Variants in TNKS2 observed in about 807,000 individuals in gnomAD.
TNKS2 encodes the protein poly [ADP-ribose] polymerase tankyrase-2.
A neutral mutation model predicts 137.6 loss-of-function variants in TNKS2; 72 were observed. The ratio of observed to expected loss-of-function variants is 0.52; its 90% CI spans 0.43 to 0.64. The LOEUF (loss-of-function observed/expected upper bound fraction) is 0.64. Ranked by LOEUF, TNKS2 falls within the 30% of genes least tolerant of loss-of-function variation. The pLI is 0.00. For missense variants in TNKS2, 1,049 were observed against 1,410.2 expected, an observed-to-expected ratio of 0.74 and a Z score of 4.10; for synonymous variants, 516 against 512.1, an observed-to-expected ratio of 1.01 and a Z score of -0.10.
chr10:91,818,081 A>G (rs1844769462), intron 3 of TNKS2, among the ~76,000 whole-genome samples: 1 of 152,240 alleles, frequency 6.6e-6, no homozygotes, highest in Non-Finnish European at 1.5e-5. Flanking sequence ...AGAAGTGTGC[A>G]CTGTTATTGT....
chr10:91,801,225 A>C (rs1321490844), intron 1 of TNKS2, among the ~76,000 whole-genome samples: 1 of 152,220 alleles, frequency 6.6e-6, no homozygotes, highest in Non-Finnish European at 1.5e-5. Flanking sequence ...AAGTTAGTTC[A>C]ATTAAAAGAA....
chr10:91,856,010 A>AT (rs1238502716), intron 23 of TNKS2, among the ~76,000 whole-genome samples: 1 of 151,932 alleles, frequency 6.6e-6, no homozygotes, highest in African/African-American at 2.4e-5. Context: ...ACAAAGCTGA[A>AT]TTTTTTTTGT....
At chr10:91,813,841 G>A (rs1844586405) in intron 2 of TNKS2, among the ~76,000 whole-genome samples, 1 of 152,120 alleles carries the variant, frequency 6.6e-6, no homozygotes, top group Non-Finnish European at 1.5e-5. Flanking sequence ...CTTTGTAGCA[G>A]TCCTAACTTC....
chr10:91,819,257 T>TC lies in TNKS2; in HGVS notation c.521-13_521-12insC. The TC allele has an allele frequency of 7.1e-7, 1 of 1,414,916 alleles. No homozygotes were observed. The highest frequency in any genetic ancestry group is 2.6e-5 in the East Asian group (1 of 37,968). The allele number at this position is 1,414,916 out of a possible 1,614,324, so 87.6% of individuals were successfully genotyped here. A position where few individuals can be genotyped will look rare whatever the true frequency, so the allele number is the denominator to read the frequency against. On this transcript the variant is annotated splice_polypyrimidine_tract_variant and intron_variant, in intron 3 of 26. Coordinates refer to ENST00000371627, the MANE Select transcript of TNKS2 (RefSeq NM_025235.4). ...TTTTAATTTCTATACTTTTTTTTTTTTCTAATTCACAGGTGAATATAAGAA... is the reference window on the plus strand; with the variant it reads ...TTTTAATTTCTATACTTTTTTTTTTTCTCTAATTCACAGGTGAATATAAGAA...
chr10:91,814,051 C>A (rs1352208360), intron 2 of TNKS2, among the ~76,000 whole-genome samples: 1 of 151,984 alleles, frequency 6.6e-6, no homozygotes, highest in Non-Finnish European at 1.5e-5. Flanking sequence ...AAAAAGTTAA[C>A]TGTAAAACAG....
intron 1 of TNKS2, among the ~76,000 whole-genome samples, chr10:91,803,628 T>A (rs1377348995): frequency 6.6e-6 from 1 of 152,178 alleles, no homozygotes; most frequent in African/African-American, 2.4e-5. Context: ...AGGGAAACCT[T>A]GTAACACAAA....
intron 6 of TNKS2, among the ~76,000 whole-genome samples, chr10:91,821,053 T>A (rs947801284): frequency 1.3e-5 from 2 of 152,176 alleles, no homozygotes; most frequent in Non-Finnish European, 2.9e-5. Context: ...ATTTTATTTT[T>A]TTTAGACGGA....
rs1844350762 is a variant in TNKS2, at chr10:91,807,226, G to T, written c.200-5757G>T. The T allele has an allele frequency of 6.8e-6, 11 of 1,606,336 alleles. No homozygotes were observed. The Admixed American group carries it at 1.3e-4, about 19-fold the overall frequency. The stretch of plus-strand genomic sequence containing the variant: ...TTGCGGGCTTCCTTGGCTACCATAA[G>T]TCGCATTAGTTGACTGTGGAATTTC... On this transcript the variant is annotated intron_variant, in intron 1 of 26. Coordinates refer to ENST00000371627, the MANE Select transcript of TNKS2 (RefSeq NM_025235.4).
Position 91,828,367 on chromosome 10 carries a change from G to A in TNKS2, c.1065G>A (p.Met355Ile). ...TRIKKHLSLEMVNFKHPQTHE... is the reference protein window; with the variant it reads ...TRIKKHLSLEIVNFKHPQTHE... ...TCAAAAAACATCTCTCTCTGGAAAT[G>A]GTGAATTTCAAGCATCCTCAAACAC... The change falls in exon 9 of 27, where the codon ATG (methionine) becomes ATA (isoleucine). Residue 355 changes from methionine to isoleucine, a missense_variant. Physicochemically the swap from Met to Ile is conservative, Grantham distance 10. Transcript: ENST00000371627. The A allele has an allele frequency of 1.2e-6, 2 of 1,608,124 alleles. No individual in the cohort carries two copies. The highest frequency in any genetic ancestry group is 1.7e-6 in the Non-Finnish European group (2 of 1,177,804).
intron 7 of TNKS2, among the ~76,000 whole-genome samples, chr10:91,825,050 CTG>C (rs1445860875): frequency 6.6e-6 from 1 of 152,014 alleles, no homozygotes; most frequent in Admixed American, 6.6e-5. Context: ...ACACTGGAAT[CTG>C]TGATTTTAGG....
intron 1 of TNKS2, among the ~76,000 whole-genome samples, chr10:91,801,616 G>C (rs1844172959): frequency 6.6e-6 from 1 of 152,056 alleles, no homozygotes; most frequent in South Asian, 2.1e-4. Context: ...TGGGATTACA[G>C]GTGCGCACTG....
At chr10:91,862,219 A>G (rs897308741) in intron 26 of TNKS2, 64 bp downstream of exon 26, 2 of 1,309,424 alleles carry the variant, frequency 1.5e-6, no homozygotes, top group Non-Finnish European at 2.0e-6. Context: ...CTTTTTATTA[A>G]TCTCTTGAAT....
chr10:91,837,654 G>A (rs1842070890), intron 13 of TNKS2, among the ~76,000 whole-genome samples: 1 of 152,178 alleles, frequency 6.6e-6, no homozygotes, highest in Admixed American at 6.5e-5. Flanking sequence ...GAGGTTAGGA[G>A]TTTCAGACCA....
Position 91,849,570 on chromosome 10 carries a change from A to G in TNKS2, c.2670A>G (p.Leu890=), listed in dbSNP as rs1842483193. The G allele has an allele frequency of 6.2e-7, 1 of 1,611,848 alleles. No individual in the cohort carries two copies. The highest frequency in any genetic ancestry group is 1.3e-5 in the African/African-American group (1 of 74,836). ...TAAGGAATCTTGGACTTGAGCACCTAATGGATATATTTGAGAGAGAACAGG... is the reference window on the plus strand; with the variant it reads ...TAAGGAATCTTGGACTTGAGCACCTGATGGATATATTTGAGAGAGAACAGG... The part of the protein sequence containing the change: ...QFVRNLGLEH[L]MDIFEREQIT... Residue 890 remains leucine, a synonymous_variant, in exon 20 of 27, where the codon CTA becomes CTG. Coordinates refer to ENST00000371627, the MANE Select transcript of TNKS2 (RefSeq NM_025235.4).
At chr10:91,814,650 TA>T (rs1844619251) in intron 2 of TNKS2, among the ~76,000 whole-genome samples, 1 of 152,166 alleles carries the variant, frequency 6.6e-6, no homozygotes, top group African/African-American at 2.4e-5. Context: ...TATTTAGACA[TA>T]CTTAGTTACA....
At position 91,845,092 on chromosome 10, in the gene TNKS2, C is replaced by A. The variant is rs372242928; in HGVS notation, c.2169+64C>A. The A allele has an allele frequency of 1.3e-5, 13 of 1,012,310 alleles. No individual in the cohort carries two copies. The East Asian group carries it at 2.8e-4, about 22-fold the overall frequency. 62.7% of individuals were successfully genotyped at this position (1,012,310 alleles called of 1,614,324 possible). A position where few individuals can be genotyped will look rare whatever the true frequency, so the allele number is the denominator to read the frequency against. ...TTTAAAGTGAAAGTCAGTATTGCAGCTCAAATGGAATGTAGTTTGATGTTC... is the reference window on the plus strand; with the variant it reads ...TTTAAAGTGAAAGTCAGTATTGCAGATCAAATGGAATGTAGTTTGATGTTC... On this transcript the variant is annotated intron_variant, in intron 17 of 26. Coordinates refer to ENST00000371627, the MANE Select transcript of TNKS2 (RefSeq NM_025235.4).
chr10:91,863,061 A>G lies in TNKS2; in HGVS notation c.*62A>G, dbSNP rs552557895. 13 of 1,208,178 alleles carry G rather than the reference A, an allele frequency of 1.1e-5. No homozygotes were observed. The East Asian group carries it at 3.0e-4, about 28-fold the overall frequency. 74.8% of individuals were successfully genotyped at this position (1,208,178 alleles called of 1,614,324 possible). A position where few individuals can be genotyped will look rare whatever the true frequency, so the allele number is the denominator to read the frequency against. On this transcript the variant is annotated 3_prime_UTR_variant, in exon 27 of 27. Coordinates refer to ENST00000371627, the MANE Select transcript of TNKS2 (RefSeq NM_025235.4). The stretch of plus-strand genomic sequence containing the variant: ...AATCATCAAAGCAGCAGTGGCCTCT[A>G]CGTTTTACTCCTTTGCTGAAAAAAA...
chr10:91,846,648 T>G (rs1554839901), intron 18 of TNKS2, among the ~76,000 whole-genome samples: 3 of 152,226 alleles, frequency 2.0e-5, no homozygotes, highest in Non-Finnish European at 1.5e-5. Flanking sequence ...GAATCTTTTC[T>G]GCAGACTGCT....
intron 11 of TNKS2, among the ~76,000 whole-genome samples, chr10:91,833,374 A>G (rs760739701): frequency 3.7e-4 from 56 of 152,200 alleles, no homozygotes; most frequent in Admixed American, 8.5e-4. Context: ...ATTGCTGAGT[A>G]TTCCACTATG....
Sources: gnomAD v4.1 joint callset for allele counts (sites outside exome capture counted in the v4.1 genomes callset) on GRCh38, gnomAD v4.1.1 for gene constraint, MANE v1.5 for transcripts, NCBI Gene and HGNC (gene_info 2026-07-23, HGNC 2026-07-21) for gene names.